Variants in C18orf63 observed in about 807,000 individuals in gnomAD.
C18orf63 encodes the protein chromosome 18 open reading frame 63, also known as uncharacterized protein C18orf63.
A neutral mutation model predicts 75.3 loss-of-function variants in C18orf63; 50 were observed. The ratio of observed to expected loss-of-function variants is 0.66; its 90% CI spans 0.53 to 0.84. The LOEUF (loss-of-function observed/expected upper bound fraction) is 0.84. Among genes scored for constraint, C18orf63 ranks in the 40% least tolerant of loss-of-function variants. C18orf63 has a pLI of 0.00. For missense variants in C18orf63, 732 were observed against 800.2 expected (o/e 0.91, Z 1.03); for synonymous variants, 232 against 267.6 (o/e 0.87, Z 1.30).
chr18:74,341,461 C>T (rs1173818211), intron 8 of C18orf63, among the ~76,000 whole-genome samples: 1 of 152,066 alleles, frequency 6.6e-6, no homozygotes, highest in Non-Finnish European at 1.5e-5. Flanking sequence ...GGCAGGCAGT[C>T]ACCTGAGGCC....
chr18:74,353,364 T>C lies in C18orf63; in HGVS notation c.1097T>C (p.Val366Ala), dbSNP rs866860624. The change falls in exon 12 of 14, where the codon GTG (valine) becomes GCG (alanine). Residue 366 changes from valine to alanine, a missense_variant. Physicochemically the swap from Val to Ala is moderately conservative, Grantham distance 64. Transcript: ENST00000579455. ...AQSLLPCSVA[V>A]DHKVELSVSQ... ...AGTCTTCTACCATGTTCAGTAGCAG[T>C]GGACCACAAGGTGGAGCTTTCAGTC... is the stretch of plus-strand genomic sequence containing the variant. 2.3e-5 allele frequency: 36 copies of C among 1,536,460 alleles called. No homozygotes were observed. In the African/African-American group the frequency reaches 4.2e-4, roughly 18 times the overall value.
intron 4 of C18orf63, among the ~76,000 whole-genome samples, chr18:74,327,530 T>C (rs1281106248): frequency 6.6e-6 from 1 of 152,198 alleles, no homozygotes; most frequent in East Asian, 1.9e-4. Context: ...TGCATCTCGT[T>C]ATTGGGCTGC....
intron 11 of C18orf63, among the ~76,000 whole-genome samples, chr18:74,349,936 C>G (rs1984638678): frequency 6.6e-6 from 1 of 152,112 alleles, no homozygotes; most frequent in African/African-American, 2.4e-5. Context: ...ACATCCAAAC[C>G]CTAGCTGCAA....
At chr18:74,349,136 G>T (rs1158315405) in intron 11 of C18orf63, among the ~76,000 whole-genome samples, 1 of 152,118 alleles carries the variant, frequency 6.6e-6, no homozygotes, top group East Asian at 1.9e-4. Context: ...TAGAACCCAA[G>T]GGTCCAAACA....
intron 11 of C18orf63, among the ~76,000 whole-genome samples, chr18:74,349,865 C>T (rs1429677469): frequency 6.6e-6 from 1 of 152,216 alleles, no homozygotes; most frequent in Non-Finnish European, 1.5e-5. Context: ...AGAAGTGTGG[C>T]TAGACCTTAC....
chr18:74,345,249 A>G (rs989970850), intron 11 of C18orf63, among the ~76,000 whole-genome samples: 1 of 151,438 alleles, frequency 6.6e-6, no homozygotes, highest in African/African-American at 2.4e-5. Context: ...TTATTGATTT[A>G]TACGTATTTT....
chr18:74,321,986 T>C (rs574005917), intron 3 of C18orf63, among the ~76,000 whole-genome samples: 21 of 152,354 alleles, frequency 1.4e-4, no homozygotes, highest in African/African-American at 5.1e-4. Context: ...AATATTTCAT[T>C]GTATGGATGT....
At chr18:74,330,478 C>G (rs1335180208) in intron 6 of C18orf63, among the ~76,000 whole-genome samples, 1 of 152,108 alleles carries the variant, frequency 6.6e-6, no homozygotes, top group Non-Finnish European at 1.5e-5. Flanking sequence ...AAAGACTACT[C>G]AAGTCAGAAA....
At chr18:74,341,475 A>T (rs114424406) in intron 8 of C18orf63, among the ~76,000 whole-genome samples, 1,845 of 152,140 alleles carry the variant, frequency 0.012, 18 homozygotes, top group South Asian at 0.048. Context: ...TGAGGCCAGG[A>T]TTGAGACCAG....
Position 74,320,534 on chromosome 18 carries a change from A to G in C18orf63, c.156A>G (p.Gln52=). The change falls in exon 3 of 14, where the codon CAA becomes CAG. Residue 52 remains glutamine, a synonymous_variant. Transcript: ENST00000579455. ...KMCRQLLFLH[Q]DILTSPVSGI... is the part of the protein sequence containing the mutation. The stretch of plus-strand genomic sequence containing the variant: ...ACAGGCAATTGCTGTTTTTGCATCA[A>G]GATATTCTTACATCACCTGTGTCTG... 1 of 1,534,338 alleles carries G rather than the reference A, an allele frequency of 6.5e-7. No homozygotes were observed. The highest frequency in any genetic ancestry group is 8.7e-7 in the Non-Finnish European group (1 of 1,145,856).
chr18:74,348,594 A>G (rs1599009103), intron 11 of C18orf63, among the ~76,000 whole-genome samples: 1 of 152,336 alleles, frequency 6.6e-6, no homozygotes, highest in African/African-American at 2.4e-5. Flanking sequence ...AAAGTTACAT[A>G]AGTTGTATAT....
intron 8 of C18orf63, among the ~76,000 whole-genome samples, 196 bp from the exon 9 acceptor site, chr18:74,341,836 A>G (rs1984493108): frequency 6.6e-6 from 1 of 151,834 alleles, no homozygotes; most frequent in South Asian, 2.1e-4. Context: ...AATAATATAT[A>G]CTATTTTTAT....
In C18orf63 at chr18:74,320,526, T is replaced by G; in HGVS notation, c.148T>G (p.Leu50Val). Residue 50 changes from leucine to valine, a missense_variant, in exon 3 of 14, where the codon TTG becomes GTG. Leu to Val is a conservative substitution (Grantham distance 32, BLOSUM62 1). Transcript: ENST00000579455. ...TCATCTCCACAGGCAATTGCTGTTT[T>G]TGCATCAAGATATTCTTACATCACC... ...QMKMCRQLLF[L>V]HQDILTSPVS... The G allele has an allele frequency of 6.5e-7, 1 of 1,533,964 alleles. No homozygotes were observed. Among genetic ancestry groups the G allele is most frequent in the Non-Finnish European group, 8.7e-7 (1 of 1,145,656 alleles).
chr18:74,327,896 A>T, intron 4 of C18orf63, 51 bp from the exon 5 acceptor site: 1 of 1,083,382 alleles, frequency 9.2e-7, no homozygotes, highest in Non-Finnish European at 1.4e-6. Context: ...GTATATGCAT[A>T]CACAGCAATT....
At chr18:74,321,574 A>G (rs796167266) in intron 3 of C18orf63, among the ~76,000 whole-genome samples, 16 of 152,226 alleles carry the variant, frequency 1.1e-4, no homozygotes, top group African/African-American at 3.4e-4. Flanking sequence ...CCAAGTGCTT[A>G]GATTACAGGC....
rs1984809426 is a variant in C18orf63 at position 74,358,565 on chromosome 18, C to T, written c.*2118C>T. The stretch of plus-strand genomic sequence containing the variant: ...TCTAATTAGGGAAAGCTACATTTTA[C>T]TTCTTTGTGTAAGTTATTGGTGATT... On this transcript the variant is annotated 3_prime_UTR_variant, in exon 14 of 14. Coordinates refer to ENST00000579455, the MANE Select transcript of C18orf63 (RefSeq NM_001174123.2). 1.3e-5 allele frequency: 2 copies of T among 152,052 alleles called. No individual in the cohort carries two copies. The highest frequency in any genetic ancestry group is 2.9e-5 in the Non-Finnish European group (2 of 67,970). 9.4% of individuals were successfully genotyped at this position (152,052 alleles called of 1,614,324 possible).
intron 5 of C18orf63, 42 bp downstream of exon 5, chr18:74,328,100 T>A (rs1984239547): frequency 8.9e-7 from 1 of 1,126,266 alleles, no homozygotes; most frequent in Non-Finnish European, 1.3e-6. Flanking sequence ...CTGAACTAGA[T>A]TACGTCTGTT....
Position 74,327,929 on chromosome 18 carries a change from G to A in C18orf63, c.271-18G>A, listed in dbSNP as rs1433113472. The stretch of plus-strand genomic sequence containing the variant: ...ATTGTTCTAAATTGGCCCATATTTT[G>A]CCATTTAATATTTTTAGATGGAGGC... On this transcript the variant is annotated intron_variant, in intron 4 of 13. Transcript: ENST00000579455. 2 of 1,427,278 alleles carry A rather than the reference G, an allele frequency of 1.4e-6. No individual in the cohort carries two copies. Among genetic ancestry groups the A allele is most frequent in the Non-Finnish European group, 1.9e-6 (2 of 1,047,818 alleles). 88.4% of individuals were successfully genotyped at this position (1,427,278 alleles called of 1,614,324 possible). A position where few individuals can be genotyped will look rare whatever the true frequency, so the allele number is the denominator to read the frequency against.
chr18:74,344,660 A>G (rs1984543313), intron 11 of C18orf63, among the ~76,000 whole-genome samples: 1 of 152,120 alleles, frequency 6.6e-6, no homozygotes, highest in Non-Finnish European at 1.5e-5. Flanking sequence ...ACTTCATGTA[A>G]AATAAATCAT....
Sources: gnomAD v4.1 joint callset for allele counts (sites outside exome capture counted in the v4.1 genomes callset) on GRCh38, gnomAD v4.1.1 for gene constraint, MANE v1.5 for transcripts, NCBI Gene and HGNC (gene_info 2026-07-23, HGNC 2026-07-21) for gene names.